The following LIMK2 variants were observed in gnomAD, a reference collection of about 807,000 sequenced individuals.
The protein encoded by LIMK2 is LIM domain kinase 2.
In LIMK2, 35 loss-of-function variants were observed where a neutral mutation model predicts 75.7. The observed-to-expected ratio is 0.46, with a 90% CI of 0.35 to 0.61. LIMK2 has a LOEUF of 0.61. Among genes scored for constraint, LIMK2 ranks in the 20% least tolerant of loss-of-function variants. LIMK2 has a pLI of 0.00. For missense variants in LIMK2, 623 were observed against 831.0 expected (o/e 0.75, Z 3.08); for synonymous variants, 301 against 319.2 (o/e 0.94, Z 0.61).
Position 31,262,497 on chromosome 22 carries a change from T to C in LIMK2, c.658-98T>C. On this transcript the variant is annotated intron_variant, in intron 6 of 15. Transcript: ENST00000331728. The surrounding 1 kb of genome is among the most constrained non-coding windows in gnomAD (Gnocchi z 5.0). ...CAGCTAAAGGCCACCATTAGACAAG[T>C]TGAGCACTGGCCACACTGTGCCTGA... The C allele has an allele frequency of 8.2e-7, 1 of 1,216,148 alleles. No individual in the cohort carries two copies. The highest frequency in any genetic ancestry group is 2.3e-5 in the East Asian group (1 of 42,644). The allele number at this position is 1,216,148 out of a possible 1,614,324, so 75.3% of individuals were successfully genotyped here.
At chr22:31,220,514 A>G (rs1336923414) in intron 1 of LIMK2, among the ~76,000 whole-genome samples, 1 of 152,206 alleles carries the variant, frequency 6.6e-6, no homozygotes, top group Non-Finnish European at 1.5e-5. Flanking sequence ...AGTTCTCTGA[A>G]TGGGGTGTGG....
At chr22:31,272,944 T>A (rs1020447617) in intron 13 of LIMK2, 94 of 1,270,712 alleles carry the variant, frequency 7.4e-5, no homozygotes, top group Non-Finnish European at 9.2e-5. Context: ...CATTTGTGCC[T>A]CAGGGATCGC....
At chr22:31,224,444 A>G (rs1483261133) in intron 1 of LIMK2, among the ~76,000 whole-genome samples, 1 of 152,208 alleles carries the variant, frequency 6.6e-6, no homozygotes, top group Admixed American at 6.5e-5. Flanking sequence ...TGGAAAGAGC[A>G]GAAGCTTTAG....
At chr22:31,258,484 T>A in intron 3 of LIMK2, 58 bp downstream of exon 3, 1 of 1,570,886 alleles carries the variant, frequency 6.4e-7, no homozygotes, top group East Asian at 2.2e-5. Flanking sequence ...TGACAGTGCT[T>A]CCAGTTCCCT....
chr22:31,248,978 G>A (rs11703927), intron 2 of LIMK2, among the ~76,000 whole-genome samples: 56,299 of 152,016 alleles, frequency 0.37, 12,381 homozygotes, highest in Non-Finnish European at 0.5. Context: ...TACCCAGAAG[G>A]AACTTCTTAG....
At chr22:31,267,970 C>T (rs2048913690) in intron 10 of LIMK2, 63 bp downstream of exon 10, 2 of 1,570,548 alleles carry the variant, frequency 1.3e-6, no homozygotes, top group African/African-American at 2.7e-5. Context: ...TATGCTATCA[C>T]TACCCTAGGA....
At chr22:31,264,328 A>G (rs1406909991) in intron 7 of LIMK2, among the ~76,000 whole-genome samples, 1 of 152,158 alleles carries the variant, frequency 6.6e-6, no homozygotes, top group Non-Finnish European at 1.5e-5. Context: ...GGGTAAGTAA[A>G]CCTGTAGGTC....
rs1191671170 is a variant in LIMK2, at chr22:31,221,172, T to A, written c.17-4548T>A. Among the ~76,000 whole-genome samples the A allele has an allele frequency of 5.3e-5, 8 of 152,136 alleles. No homozygotes were observed. The East Asian group carries it at 1.5e-3, about 29-fold the overall frequency. ...ACCACATTGTAAGGACCATTTGCTC[T>A]TTCAGTAACTGTTTATTGAAGGATT... is the stretch of plus-strand genomic sequence containing the variant. On this transcript the variant is annotated intron_variant, in intron 1 of 15. Coordinates refer to ENST00000331728, the MANE Select transcript of LIMK2 (RefSeq NM_005569.4).
In LIMK2 at chr22:31,262,284, C is replaced by A; in HGVS notation, c.657+45C>A. 1 of 1,442,440 alleles carries A rather than the reference C, an allele frequency of 6.9e-7. No homozygotes were observed. The highest frequency in any genetic ancestry group is 9.8e-7 in the Non-Finnish European group (1 of 1,023,248). 89.4% of individuals were successfully genotyped at this position (1,442,440 alleles called of 1,614,324 possible). A position where few individuals can be genotyped will look rare whatever the true frequency, so the allele number is the denominator to read the frequency against. On this transcript the variant is annotated intron_variant, in intron 6 of 15. Coordinates refer to ENST00000331728, the MANE Select transcript of LIMK2 (RefSeq NM_005569.4). The surrounding 1 kb of genome is among the most constrained non-coding windows in gnomAD (Gnocchi z 5.0). Reference sequence around the variant, plus strand: ...TGTCTTGTGAGGGTGGGACATGGAACAGATCCTCTGAGAAATCAGGCTGTA... The same window carrying A: ...TGTCTTGTGAGGGTGGGACATGGAAAAGATCCTCTGAGAAATCAGGCTGTA...
intron 2 of LIMK2, among the ~76,000 whole-genome samples, chr22:31,253,053 C>T (rs1568993598): frequency 1.3e-5 from 2 of 152,190 alleles, no homozygotes; most frequent in African/African-American, 4.8e-5. Context: ...TTTGTATCTG[C>T]CCAAGCCCTC....
chr22:31,241,128 G>T (rs2048620591), intron 2 of LIMK2, among the ~76,000 whole-genome samples: 1 of 152,204 alleles, frequency 6.6e-6, no homozygotes, highest in Non-Finnish European at 1.5e-5. Flanking sequence ...CAGCGATTCT[G>T]ATTCTGTATA....
chr22:31,232,522 G>A (rs1020690474), intron 2 of LIMK2, among the ~76,000 whole-genome samples: 7 of 152,144 alleles, frequency 4.6e-5, no homozygotes, highest in African/African-American at 1.4e-4. Flanking sequence ...TATATCAAGC[G>A]TCATTTGCTA....
intron 2 of LIMK2, among the ~76,000 whole-genome samples, chr22:31,226,496 C>T (rs1252505815): frequency 1.1e-4 from 17 of 152,364 alleles, no homozygotes; most frequent in Non-Finnish European, 2.1e-4. Context: ...AACCACTGTG[C>T]CCAGCCAAGA....
At chr22:31,275,608 C>CGGCGA in intron 15 of LIMK2, 6 of 338,978 alleles carry the variant, frequency 1.8e-5, no homozygotes, top group South Asian at 9.6e-5. Context: ...TTTCGATATT[C>CGGCGA]CCCTGTCCAT....
intron 7 of LIMK2, among the ~76,000 whole-genome samples, chr22:31,264,412 G>A (rs2048870938): frequency 6.6e-6 from 1 of 152,246 alleles, no homozygotes; most frequent in African/African-American, 2.4e-5. Context: ...ACCCCAGAGA[G>A]AAAGTTCGCA....
At chr22:31,241,084 G>A (rs1162063341) in intron 2 of LIMK2, among the ~76,000 whole-genome samples, 2 of 152,112 alleles carry the variant, frequency 1.3e-5, no homozygotes, top group Non-Finnish European at 2.9e-5. Flanking sequence ...AAACACTGGG[G>A]CTTGTTTAAA....
intron 2 of LIMK2, among the ~76,000 whole-genome samples, chr22:31,246,264 TTAGG>T (rs2048669531): frequency 6.7e-6 from 1 of 149,656 alleles, no homozygotes; most frequent in African/African-American, 2.5e-5. Context: ...CACTGGAGGC[TTAGG>T]TAGGAGGATC....
intron 1 of LIMK2, among the ~76,000 whole-genome samples, chr22:31,216,422 G>A (rs1444308317): frequency 6.6e-6 from 1 of 152,178 alleles, no homozygotes; most frequent in Non-Finnish European, 1.5e-5. Flanking sequence ...GGACTAGAGG[G>A]TTTAATGCCA....
At chr22:31,253,980 G>A (rs1276149794) in intron 2 of LIMK2, among the ~76,000 whole-genome samples, 2 of 152,204 alleles carry the variant, frequency 1.3e-5, no homozygotes, top group African/African-American at 4.8e-5. Flanking sequence ...TCCATACCCA[G>A]CCCTCCTGTC....
Sources: allele counts gnomAD v4.1 joint callset (sites outside exome capture counted in the v4.1 genomes callset), GRCh38; gene constraint gnomAD v4.1.1; non-coding constraint Gnocchi (gnomAD v3.1); transcripts MANE v1.5; gene names NCBI Gene and HGNC (gene_info 2026-07-23, HGNC 2026-07-21).